RIMS2: variants seen among roughly 807,000 people sequenced by gnomAD.
The protein encoded by RIMS2 is regulating synaptic membrane exocytosis 2.
RIMS2 carries 59 observed loss-of-function variants against 174.4 expected under a neutral mutation model. The ratio of observed to expected loss-of-function variants is 0.34; its 90% CI spans 0.27 to 0.42. The LOEUF (loss-of-function observed/expected upper bound fraction) is 0.42. Among genes scored for constraint, RIMS2 ranks in the 10% least tolerant of loss-of-function variants. RIMS2 has a pLI of 1.00. For synonymous variants in RIMS2, 606 were observed against 572.5 expected (o/e 1.06, Z -0.84); for missense variants, 1,620 against 1,666.3 (o/e 0.97, Z 0.48).
chr8:104,192,429 T>C (rs1427872420), intron 19 of RIMS2, among the ~76,000 whole-genome samples: 2 of 152,220 alleles, frequency 1.3e-5, no homozygotes, highest in Non-Finnish European at 2.9e-5. Flanking sequence ...TCTTATACTT[T>C]AAATTTCATT....
rs1189020515 is a variant in RIMS2 at position 104,144,367 on chromosome 8, C to CA, written c.3335-100547dup. Among the ~76,000 whole-genome samples the CA allele has an allele frequency of 2.0e-5, 3 of 152,096 alleles. No individual in the cohort carries two copies. In the East Asian group the frequency reaches 5.8e-4, roughly 29 times the overall value. ...GAACCGAACACCCTATATCAACACT[C>CA]AATCTATTGTGTAGTAATCTGTTAG... On this transcript the variant is annotated intron_variant, in intron 19 of 23. Coordinates refer to ENST00000504942, the Ensembl canonical transcript of RIMS2.
intron 1 of RIMS2, among the ~76,000 whole-genome samples, chr8:103,594,840 ATAAG>A (rs1554662451): frequency 1.3e-5 from 2 of 151,820 alleles, no homozygotes; most frequent in Non-Finnish European, 3.0e-5. Context: ...TTTACAATAT[ATAAG>A]TATGTTTCAC....
chr8:103,859,237 A>C (rs1245781459), intron 3 of RIMS2, among the ~76,000 whole-genome samples: 1 of 152,130 alleles, frequency 6.6e-6, no homozygotes, highest in East Asian at 1.9e-4. Context: ...TCTTAAACCC[A>C]CTGGAACCTT....
rs112166531 is a variant in RIMS2 at position 103,575,679 on chromosome 8, C to CATATATATATATATATATAT, written c.176+74618_176+74619insTATATATATATATATATATA. Among the ~76,000 whole-genome samples the CATATATATATATATATATAT allele has an allele frequency of 2.8e-5, 4 of 141,004 alleles. No homozygotes were observed. The East Asian group carries it at 8.6e-4, about 30-fold the overall frequency. The allele number at this position is 141,004 out of a possible 152,430, so 92.5% of individuals were successfully genotyped here. A position where few individuals can be genotyped will look rare whatever the true frequency, so the allele number is the denominator to read the frequency against. ...ATATATAAACACACACATACACACA[C>CATATATATATATATATATAT]ACACACATATATATATATATACACA... On this transcript the variant is annotated intron_variant, in intron 1 of 23. Transcript: ENST00000504942.
At chr8:103,802,875 C>CT (rs1340790401) in intron 3 of RIMS2, among the ~76,000 whole-genome samples, 4 of 151,752 alleles carry the variant, frequency 2.6e-5, no homozygotes, top group African/African-American at 9.7e-5. Flanking sequence ...GGAGTCAACA[C>CT]TTTTAATAAA....
In RIMS2 at chr8:103,527,594, A is replaced by G. The variant is rs1242474306; in HGVS notation, c.176+26532A>G. On this transcript the variant is annotated intron_variant, in intron 1 of 23. Coordinates refer to ENST00000504942, the Ensembl canonical transcript of RIMS2. ...TGTGATGTTCCCCTTCCTGTGTCCA[A>G]GTGTTCTCGTTGTTCAGTTCCCACC... 2.6e-5 allele frequency among the ~76,000 whole-genome samples: 4 copies of G among 151,416 alleles called. No homozygotes were observed. In the East Asian group the frequency reaches 5.8e-4, roughly 22 times the overall value.
rs184849742 is a variant in RIMS2 at position 103,944,236 on chromosome 8, T to A, written c.2701+1310T>A. 1.3e-4 allele frequency among the ~76,000 whole-genome samples: 20 copies of A among 152,198 alleles called. 1 individual carries two copies. Among genetic ancestry groups the A allele is most frequent in the Non-Finnish European group, 4.4e-5 (3 of 67,932 alleles). ...TAGTAAACACCCATACACTTCTATT[T>A]TCAAATGTCATTACGACATCCTTTG... On this transcript the variant is annotated intron_variant, in intron 14 of 23. Transcript: ENST00000504942.
chr8:103,866,733 C>T (rs766086607), intron 3 of RIMS2, among the ~76,000 whole-genome samples: 2 of 152,022 alleles, frequency 1.3e-5, no homozygotes, highest in Non-Finnish European at 2.9e-5. Context: ...CTCTTAACAT[C>T]GGATATTATT....
intron 19 of RIMS2, among the ~76,000 whole-genome samples, chr8:104,133,547 C>T (rs775027678): frequency 6.6e-6 from 1 of 152,076 alleles, no homozygotes; most frequent in South Asian, 2.1e-4. Context: ...AATGAGAAGA[C>T]ACTGAAGAAT....
chr8:104,150,759 G>T lies in RIMS2; in HGVS notation c.3335-94157G>T, dbSNP rs368743575. Among the ~76,000 whole-genome samples the T allele has an allele frequency of 3.3e-5, 5 of 152,188 alleles. No homozygotes were observed. In the South Asian group the frequency reaches 8.3e-4, roughly 25 times the overall value. On this transcript the variant is annotated intron_variant, in intron 19 of 23. Transcript: ENST00000504942. Reference sequence around the variant, plus strand: ...AGAGACCAGGTCATAGAGCATCTCAGATCATAATTATAGATGATAGGAAGT... The same window carrying T: ...AGAGACCAGGTCATAGAGCATCTCATATCATAATTATAGATGATAGGAAGT...
chr8:103,566,143 C>T (rs1407602925), intron 1 of RIMS2, among the ~76,000 whole-genome samples: 1 of 152,102 alleles, frequency 6.6e-6, no homozygotes, highest in African/African-American at 2.4e-5. Context: ...ACCTGGGGTA[C>T]AATTTGAGTC....
At chr8:103,558,603 A>C (rs1409697580) in intron 1 of RIMS2, among the ~76,000 whole-genome samples, 3 of 152,130 alleles carry the variant, frequency 2.0e-5, no homozygotes, top group Non-Finnish European at 4.4e-5. Flanking sequence ...TACATGAAAA[A>C]ATTTACTGGA....
chr8:103,792,141 C>T (rs1174417139), intron 3 of RIMS2, among the ~76,000 whole-genome samples: 1 of 152,130 alleles, frequency 6.6e-6, no homozygotes, highest in Non-Finnish European at 1.5e-5. Flanking sequence ...CCACATCGCA[C>T]TTATTCTAAA....
intron 19 of RIMS2, among the ~76,000 whole-genome samples, chr8:104,110,122 T>C (rs975747274): frequency 2.0e-5 from 3 of 152,170 alleles, no homozygotes; most frequent in Non-Finnish European, 4.4e-5. Flanking sequence ...TAAAGCATTT[T>C]ATAAGCCACT....
chr8:104,132,824 TTA>T (rs1566600662), intron 19 of RIMS2, among the ~76,000 whole-genome samples: 1 of 152,194 alleles, frequency 6.6e-6, no homozygotes, highest in East Asian at 1.9e-4. Context: ...GTAGTTTGTA[TTA>T]TGTAAGTCTC....
intron 4 of RIMS2, among the ~76,000 whole-genome samples, chr8:103,892,065 T>G (rs1207157170): frequency 6.6e-6 from 1 of 152,098 alleles, no homozygotes; most frequent in African/African-American, 2.4e-5. Context: ...CAATATACAT[T>G]AGCAGTGTGA....
exon 18 of RIMS2, chr8:104,013,535 C>A: frequency 6.2e-7 from 1 of 1,613,822 alleles, no homozygotes; most frequent in Non-Finnish European, 8.5e-7. Flanking sequence ...GCTCCAGATC[C>A]ACTGAACGTC....
chr8:103,540,374 G>T (rs143076586), intron 1 of RIMS2, among the ~76,000 whole-genome samples: 2 of 152,182 alleles, frequency 1.3e-5, no homozygotes, highest in East Asian at 3.9e-4. Context: ...AATGTTGGCC[G>T]CTGAGGATCC....
chr8:104,243,828 C>T (rs2099316015), intron 19 of RIMS2, among the ~76,000 whole-genome samples: 1 of 152,208 alleles, frequency 6.6e-6, no homozygotes, highest in African/African-American at 2.4e-5. Flanking sequence ...GACTATCACC[C>T]TCTTGCTCGA....
Sources: allele counts gnomAD v4.1 joint callset (sites outside exome capture counted in the v4.1 genomes callset), GRCh38; gene constraint gnomAD v4.1.1; transcripts MANE v1.5; gene names NCBI Gene and HGNC (gene_info 2026-07-23, HGNC 2026-07-21).